Variants in ST7 observed in about 807,000 individuals in gnomAD.
ST7 encodes the protein suppression of tumorigenicity 7.
Under a neutral mutation model 78.7 loss-of-function variants are expected in ST7, and 28 were observed. The observed-to-expected ratio is 0.36, with a 90% CI of 0.26 to 0.49. The LOEUF is 0.49. Among genes scored for constraint, ST7 ranks in the 20% least tolerant of loss-of-function variants. ST7 has a pLI of 0.99. For synonymous variants in ST7, 247 were observed against 249.6 expected, an observed-to-expected ratio of 0.99 and a Z score of 0.10; for missense variants, 418 against 696.0, an observed-to-expected ratio of 0.60 and a Z score of 4.49.
intron 8 of ST7, among the ~76,000 whole-genome samples, chr7:117,138,218 A>G (rs1804957149): frequency 6.6e-6 from 1 of 152,080 alleles, no homozygotes; most frequent in African/African-American, 2.4e-5. Context: ...GATTTTATTT[A>G]TTATCAAATA....
chr7:117,126,996 G>C (rs548224509), intron 3 of ST7, among the ~76,000 whole-genome samples: 1 of 151,866 alleles, frequency 6.6e-6, no homozygotes, highest in South Asian at 2.1e-4. Flanking sequence ...ACTGTGAATT[G>C]CTGCATATGG....
At chr7:117,069,647 T>A (rs1428640073) in intron 1 of ST7, among the ~76,000 whole-genome samples, 1 of 152,214 alleles carries the variant, frequency 6.6e-6, no homozygotes, top group Non-Finnish European at 1.5e-5. Flanking sequence ...CTGTGGAGAC[T>A]TTGGGTGCTC....
intron 1 of ST7, among the ~76,000 whole-genome samples, chr7:116,961,651 T>C (rs1414164138): frequency 1.3e-5 from 2 of 151,780 alleles, no homozygotes; most frequent in East Asian, 3.9e-4. Context: ...GCCTGACTGT[T>C]GTTGGTGTAT....
intron 9 of ST7, 106 bp downstream of exon 9, chr7:117,138,638 G>A (rs1805002771): frequency 1.3e-6 from 1 of 753,744 alleles, no homozygotes; most frequent in Admixed American, 2.4e-5. Context: ...CATGGGTTCT[G>A]GAGCCAGACT....
intron 9 of ST7, among the ~76,000 whole-genome samples, chr7:117,159,972 C>T (rs762758158): frequency 3.9e-5 from 6 of 151,996 alleles, no homozygotes; most frequent in South Asian, 2.1e-4. Flanking sequence ...GAGACTGAGG[C>T]GGGTGGATCA....
At chr7:116,988,003 A>C (rs1794259900) in intron 1 of ST7, among the ~76,000 whole-genome samples, 1 of 152,270 alleles carries the variant, frequency 6.6e-6, no homozygotes, top group Non-Finnish European at 1.5e-5. Flanking sequence ...CTGGGATTAC[A>C]GGCGTGAGCC....
chr7:117,038,963 C>CT (rs1014476337), intron 1 of ST7, among the ~76,000 whole-genome samples: 4 of 151,916 alleles, frequency 2.6e-5, no homozygotes, highest in African/African-American at 7.3e-5. Context: ...TACAATCTGC[C>CT]TTTTTTCATT....
chr7:117,212,789 A>G (rs1021701861), intron 13 of ST7, among the ~76,000 whole-genome samples: 2 of 152,032 alleles, frequency 1.3e-5, no homozygotes, highest in African/African-American at 4.8e-5. Flanking sequence ...TATTTAAAAA[A>G]TAATATCTCA....
At chr7:117,222,777 C>T (rs375213770) in intron 15 of ST7, 1 of 1,053,902 alleles carries the variant, frequency 9.5e-7, no homozygotes. Flanking sequence ...AATTGTTTCC[C>T]TGGAACTCCA....
intron 1 of ST7, among the ~76,000 whole-genome samples, chr7:117,029,844 A>C (rs1796386018): frequency 1.3e-5 from 2 of 151,802 alleles, no homozygotes; most frequent in African/African-American, 4.8e-5. Context: ...TGGCAACTTT[A>C]TCAGAAGTCA....
intron 10 of ST7, among the ~76,000 whole-genome samples, chr7:117,187,355 A>AT (rs564267395): frequency 8.6e-5 from 13 of 151,958 alleles, no homozygotes; most frequent in African/African-American, 1.9e-4. Context: ...TATTTTGGTT[A>AT]TTTTTTTTAA....
intron 2 of ST7, among the ~76,000 whole-genome samples, chr7:117,108,386 A>G (rs1347246929): frequency 6.6e-6 from 1 of 152,134 alleles, no homozygotes; most frequent in Non-Finnish European, 1.5e-5. Context: ...GCTTTGTCCA[A>G]GATCAGTCGA....
At chr7:117,036,404 A>G (rs1796899655) in intron 1 of ST7, among the ~76,000 whole-genome samples, 1 of 152,240 alleles carries the variant, frequency 6.6e-6, no homozygotes, top group African/African-American at 2.4e-5. Context: ...CATGACATTT[A>G]TCATGATCAG....
rs761661744 is a variant in ST7, at chr7:117,229,739, GTGTC to G, written c.1639-16_1639-13del. 3 of 1,592,302 alleles carry G rather than the reference GTGTC, an allele frequency of 1.9e-6. No individual in the cohort carries two copies. Among genetic ancestry groups the G allele is most frequent in the South Asian group, 2.2e-5 (2 of 89,030 alleles). On this transcript the variant is annotated intron_variant, in intron 15 of 15. Coordinates refer to ENST00000323984, the MANE Select transcript of ST7 (RefSeq NM_001369598.1). ...TTGAACAAGGTTTCTGCTGACTTCT[GTGTC>G]TGTCTGGTTTCTTTGCAGTTCCTCA...
chr7:117,008,845 G>A (rs1795262680), intron 1 of ST7, among the ~76,000 whole-genome samples: 1 of 152,064 alleles, frequency 6.6e-6, no homozygotes, highest in Non-Finnish European at 1.5e-5. Flanking sequence ...GTAGCCCATG[G>A]GCTGCCTGTT....
intron 9 of ST7, among the ~76,000 whole-genome samples, chr7:117,152,993 T>G (rs1041032066): frequency 5.3e-5 from 8 of 152,186 alleles, no homozygotes; most frequent in Non-Finnish European, 8.8e-5. Flanking sequence ...TTTAATTTAG[T>G]GGGTCCCGGT....
At chr7:117,147,987 T>C (rs1447063127) in intron 9 of ST7, among the ~76,000 whole-genome samples, 4 of 152,184 alleles carry the variant, frequency 2.6e-5, no homozygotes, top group Admixed American at 1.3e-4. Flanking sequence ...TATCTGTGTT[T>C]GAAGGGAATA....
intron 1 of ST7, among the ~76,000 whole-genome samples, chr7:117,049,504 T>C (rs1797657632): frequency 6.6e-6 from 1 of 152,240 alleles, no homozygotes; most frequent in Admixed American, 6.5e-5. Flanking sequence ...TTGCTTTAAG[T>C]TGTCGTGTAA....
At chr7:117,062,156 A>T (rs1231105271) in intron 1 of ST7, among the ~76,000 whole-genome samples, 1 of 152,128 alleles carries the variant, frequency 6.6e-6, no homozygotes, top group African/African-American at 2.4e-5. Context: ...AGTCCTCTGG[A>T]GTCTCTTCTT....
Sources: allele counts gnomAD v4.1 joint callset (sites outside exome capture counted in the v4.1 genomes callset), GRCh38; gene constraint gnomAD v4.1.1; transcripts MANE v1.5; gene names NCBI Gene and HGNC (gene_info 2026-07-23, HGNC 2026-07-21).